MARCHF1: variants seen among roughly 807,000 people sequenced by gnomAD.
MARCHF1 encodes the protein E3 ubiquitin-protein ligase MARCHF1.
Under a neutral mutation model 54.2 loss-of-function variants are expected in MARCHF1, and 40 were observed. The observed-to-expected ratio is 0.74, with a 90% CI of 0.57 to 0.96. The LOEUF (loss-of-function observed/expected upper bound fraction) is 0.96, where lower values mean the gene tolerates loss of function less well. Among genes scored for constraint, MARCHF1 ranks in the 40% least tolerant of loss-of-function variants. The probability of loss-of-function intolerance (pLI) is 0.00; values close to 1 mark genes in which losing one functional copy is unlikely to be tolerated. For synonymous variants in MARCHF1, 236 were observed against 236.3 expected, an observed-to-expected ratio of 1.00 and a Z score of 0.01; for missense variants, 586 against 656.5, an observed-to-expected ratio of 0.89 and a Z score of 1.17.
intron 1 of MARCHF1, among the ~76,000 whole-genome samples, chr4:164,218,400 T>C (rs1731992263): frequency 6.6e-6 from 1 of 151,856 alleles, no homozygotes. Context: ...TTAATGAGGT[T>C]AGAGAATAAA....
At chr4:163,669,435 A>G (rs191127463) in intron 5 of MARCHF1, among the ~76,000 whole-genome samples, 2 of 152,082 alleles carry the variant, frequency 1.3e-5, no homozygotes, top group Non-Finnish European at 2.9e-5. Flanking sequence ...TCCTGCTAAC[A>G]CTTAATCCTT....
intron 1 of MARCHF1, among the ~76,000 whole-genome samples, chr4:164,190,901 T>C (rs537596402): frequency 9.5e-4 from 145 of 152,334 alleles, no homozygotes; most frequent in African/African-American, 3.4e-3. Flanking sequence ...GAAATCATGG[T>C]ACCCCTTTTT....
chr4:164,304,262 A>G (rs887061683), intron 1 of MARCHF1, among the ~76,000 whole-genome samples: 1 of 152,242 alleles, frequency 6.6e-6, no homozygotes, highest in African/African-American at 2.4e-5. Context: ...GTTACAGGGG[A>G]AAAACACAAA....
intron 9 of MARCHF1, among the ~76,000 whole-genome samples, chr4:163,533,669 C>G (rs905465380): frequency 9.6e-5 from 12 of 124,482 alleles, no homozygotes; most frequent in Admixed American, 9.0e-4. Flanking sequence ...CAAAAATAGT[C>G]TTTTATATAT....
At chr4:163,853,764 A>G (rs1017622913) in intron 4 of MARCHF1, among the ~76,000 whole-genome samples, 1 of 152,206 alleles carries the variant, frequency 6.6e-6, no homozygotes, top group South Asian at 2.1e-4. Flanking sequence ...GGTCACTAAC[A>G]TAATAAATGG....
At chr4:164,073,241 A>G (rs1754907199) in intron 2 of MARCHF1, among the ~76,000 whole-genome samples, 1 of 152,290 alleles carries the variant, frequency 6.6e-6, no homozygotes, top group South Asian at 2.1e-4. Flanking sequence ...ACTTAGAACC[A>G]ACCCAAAATC....
chr4:164,155,160 T>A (rs779068174), intron 1 of MARCHF1, among the ~76,000 whole-genome samples: 2 of 152,146 alleles, frequency 1.3e-5, no homozygotes, highest in African/African-American at 2.4e-5. Context: ...AAAAGGCAAC[T>A]TTTTGGCTGC....
At chr4:163,673,952 G>A (rs1005583283) in intron 5 of MARCHF1, among the ~76,000 whole-genome samples, 3 of 152,108 alleles carry the variant, frequency 2.0e-5, no homozygotes, top group African/African-American at 7.2e-5. Flanking sequence ...TGAATTCCAC[G>A]AGTTAACAGA....
At chr4:163,923,331 C>G (rs1249590405) in intron 3 of MARCHF1, among the ~76,000 whole-genome samples, 1 of 152,072 alleles carries the variant, frequency 6.6e-6, no homozygotes, top group African/African-American at 2.4e-5. Flanking sequence ...AGATGAGTAT[C>G]ACCACCTTCT....
chr4:163,545,202 C>G (rs923279037), intron 9 of MARCHF1, among the ~76,000 whole-genome samples: 2 of 152,156 alleles, frequency 1.3e-5, no homozygotes, highest in African/African-American at 4.8e-5. Flanking sequence ...AATGCCATCT[C>G]CTTCATGCTT....
chr4:164,381,666 T>C (rs1235435858), intron 1 of MARCHF1, among the ~76,000 whole-genome samples: 2 of 152,224 alleles, frequency 1.3e-5, no homozygotes, highest in African/African-American at 4.8e-5. Context: ...TATGTAAATG[T>C]AGATTTTTAT....
At chr4:163,573,268 T>C (rs1041795145) in intron 8 of MARCHF1, among the ~76,000 whole-genome samples, 1 of 150,510 alleles carries the variant, frequency 6.6e-6, no homozygotes, top group African/African-American at 2.4e-5. Flanking sequence ...GTTTGACTTC[T>C]TCCTTTCCTA....
chr4:163,914,080 G>T (rs1229764257), intron 3 of MARCHF1, among the ~76,000 whole-genome samples: 6 of 42,816 alleles, frequency 1.4e-4, no homozygotes, highest in African/African-American at 3.2e-4. Flanking sequence ...TACATGATGT[G>T]GAAAAATTGT....
intron 5 of MARCHF1, among the ~76,000 whole-genome samples, chr4:163,659,157 C>T (rs963217029): frequency 1.3e-5 from 2 of 151,912 alleles, no homozygotes; most frequent in African/African-American, 2.4e-5. Context: ...GCATTCACTA[C>T]ATTTCTCTAG....
chr4:164,063,621 T>A (rs920519588), intron 2 of MARCHF1, among the ~76,000 whole-genome samples: 39 of 152,344 alleles, frequency 2.6e-4, no homozygotes, highest in Admixed American at 2.4e-3. Context: ...CCCTATGAAG[T>A]GGGCCTAGCC....
chr4:164,356,052 A>G lies in MARCHF1; in HGVS notation c.-323+27818T>C, dbSNP rs1416043781. On this transcript the variant is annotated intron_variant, in intron 1 of 9. Transcript: ENST00000514618. ...ACTGGCCATCAGAGAAATGCAAATC[A>G]AAGCCACTATGAGACATCATCTCAC... Among the ~76,000 whole-genome samples the G allele has an allele frequency of 4.4e-5, 6 of 136,766 alleles. No individual in the cohort carries two copies. The East Asian group carries it at 1.3e-3, about 29-fold the overall frequency. The allele number at this position is 136,766 out of a possible 152,430, so 89.7% of individuals were successfully genotyped here. A position where few individuals can be genotyped will look rare whatever the true frequency, so the allele number is the denominator to read the frequency against.
At chr4:163,898,784 CTA>C (rs1490074772) in intron 3 of MARCHF1, among the ~76,000 whole-genome samples, 1 of 152,140 alleles carries the variant, frequency 6.6e-6, no homozygotes, top group Non-Finnish European at 1.5e-5. Context: ...TGGAACTAAC[CTA>C]TGTGTCCGTC....
rs148369671 is a variant in MARCHF1 at position 164,083,953 on chromosome 4, G to A, written c.-248+27635C>T. On this transcript the variant is annotated intron_variant, in intron 2 of 9. Transcript: ENST00000514618. ...ATTTTAACCTAGAGATATAATTTTT[G>A]CTTTTGTTTTTGTTTTCAACCTATT... 1.1e-4 allele frequency among the ~76,000 whole-genome samples: 16 copies of A among 152,024 alleles called. No individual in the cohort carries two copies. In the East Asian group the frequency reaches 2.9e-3, roughly 27 times the overall value.
chr4:164,381,923 C>A (rs1731382907), intron 1 of MARCHF1, among the ~76,000 whole-genome samples: 1 of 152,246 alleles, frequency 6.6e-6, no homozygotes, highest in South Asian at 2.1e-4. Flanking sequence ...ATAAAAAAAA[C>A]TGTATCACAG....
Sources: gnomAD v4.1 joint callset for allele counts (sites outside exome capture counted in the v4.1 genomes callset) on GRCh38, gnomAD v4.1.1 for gene constraint, MANE v1.5 for transcripts, NCBI Gene and HGNC (gene_info 2026-07-23, HGNC 2026-07-21) for gene names.